TMC1: variants seen among roughly 807,000 people sequenced by gnomAD.
TMC1 encodes the protein transmembrane channel like 1, also known as transmembrane channel-like protein 1.
Under a neutral mutation model 105.8 loss-of-function variants are expected in TMC1, and 84 were observed. The observed-to-expected ratio is 0.79, with a 90% CI of 0.67 to 0.95. The LOEUF (loss-of-function observed/expected upper bound fraction) is 0.95, where lower values mean the gene tolerates loss of function less well. Ranked by LOEUF, TMC1 falls within the 40% of genes least tolerant of loss-of-function variation. The probability of loss-of-function intolerance (pLI) is 0.00; values close to 1 mark genes in which losing one functional copy is unlikely to be tolerated. For missense variants in TMC1, 817 were observed against 914.1 expected, an observed-to-expected ratio of 0.89 and a Z score of 1.37; for synonymous variants, 315 against 311.5, an observed-to-expected ratio of 1.01 and a Z score of -0.12.
chr9:72,565,154 T>A lies in TMC1; in HGVS notation c.-427-12748T>A, dbSNP rs557278627. On this transcript the variant is annotated intron_variant, in intron 1 of 23. Coordinates refer to ENST00000297784, the MANE Select transcript of TMC1 (RefSeq NM_138691.3). The stretch of plus-strand genomic sequence containing the variant: ...TTAACCAGAGACCTTTGCATAATAT[T>A]GTACTGTTACTAAACACTTTCTATT... 6.1e-4 allele frequency among the ~76,000 whole-genome samples: 93 copies of A among 152,354 alleles called. 1 individual carries two copies. Among genetic ancestry groups the A allele is most frequent in the South Asian group, 1.4e-3 (7 of 4,830 alleles).
intron 2 of TMC1, among the ~76,000 whole-genome samples, chr9:72,611,224 G>A (rs1481156046): frequency 6.6e-6 from 1 of 152,160 alleles, no homozygotes; most frequent in Admixed American, 6.5e-5. Context: ...GTTCTTTGGA[G>A]AAATTTCTTT....
At chr9:72,745,189 G>A (rs1827469015) in intron 10 of TMC1, among the ~76,000 whole-genome samples, 2 of 152,098 alleles carry the variant, frequency 1.3e-5, no homozygotes, top group African/African-American at 4.8e-5. Flanking sequence ...TGAGTCAGAT[G>A]CTCTACAAAC....
chr9:72,536,622 G>A (rs756896964), intron 1 of TMC1, among the ~76,000 whole-genome samples: 2 of 152,154 alleles, frequency 1.3e-5, no homozygotes, highest in Non-Finnish European at 2.9e-5. Flanking sequence ...GTGAGCCACC[G>A]CGCCTGGCCA....
At chr9:72,618,475 CACAG>C (rs1227688904) in intron 3 of TMC1, among the ~76,000 whole-genome samples, 2 of 152,048 alleles carry the variant, frequency 1.3e-5, no homozygotes, top group African/African-American at 4.8e-5. Flanking sequence ...AGCATAACCA[CACAG>C]ACAGAAATTA....
intron 2 of TMC1, among the ~76,000 whole-genome samples, chr9:72,599,115 C>T (rs1438050308): frequency 1.3e-5 from 2 of 152,158 alleles, no homozygotes; most frequent in African/African-American, 2.4e-5. Flanking sequence ...ACTGCAACCT[C>T]CGCCTCCTGG....
In TMC1 at chr9:72,648,653, C is replaced by A; in HGVS notation, c.5C>A (p.Ser2Ter). M[S>*]PKKVQIKVEE... is the part of the protein sequence containing the mutation. ...TTCTGACAGGACACCCCCAGGATGT[C>A]ACCCAAAAAAGGTATTTACAAAATC... The change falls in exon 5 of 24, where the codon TCA becomes TAA. Residue 2 changes from serine to a stop codon, truncating the protein, a stop_gained. Transcript: ENST00000297784. LOFTEE classifies it high-confidence loss of function. 1.2e-6 allele frequency: 2 copies of A among 1,613,134 alleles called. No homozygotes were observed. The highest frequency in any genetic ancestry group is 1.7e-6 in the Non-Finnish European group (2 of 1,179,232).
chr9:72,715,574 GTT>G (rs1588046574), intron 8 of TMC1, among the ~76,000 whole-genome samples: 1 of 151,900 alleles, frequency 6.6e-6, no homozygotes, highest in East Asian at 1.9e-4. Flanking sequence ...ACTCGTGTAT[GTT>G]TCATGAAGTT....
chr9:72,538,394 CTTGTATTGTATTGTA>C lies in TMC1; in HGVS notation c.-428+16518_-428+16532del, dbSNP rs71357577. ...AATAAATATATTTTGGGATAAAATA[CTTGTATTGTATTGTA>C]TTGTATTGTATTGTATTGTATTGTA... On this transcript the variant is annotated intron_variant, in intron 1 of 23. Coordinates refer to ENST00000297784, the MANE Select transcript of TMC1 (RefSeq NM_138691.3). Among the ~76,000 whole-genome samples the C allele has an allele frequency of 1.6e-3, 229 of 143,872 alleles. 1 individual carries two copies. The highest frequency in any genetic ancestry group is 0.012 in the South Asian group (55 of 4,402). The allele number at this position is 143,872 out of a possible 152,430, so 94.4% of individuals were successfully genotyped here. A position where few individuals can be genotyped will look rare whatever the true frequency, so the allele number is the denominator to read the frequency against.
At chr9:72,575,264 T>G (rs1258266838) in intron 1 of TMC1, among the ~76,000 whole-genome samples, 1 of 152,128 alleles carries the variant, frequency 6.6e-6, no homozygotes, top group African/African-American at 2.4e-5. Context: ...CACTGCAACC[T>G]CTGCCTCCCG....
chr9:72,650,509 T>C (rs72733005), intron 5 of TMC1, among the ~76,000 whole-genome samples: 15,463 of 152,048 alleles, frequency 0.1, 966 homozygotes, highest in African/African-American at 0.16. Context: ...TTTTTAACTT[T>C]TATTTTAGGC....
At chr9:72,709,803 G>A (rs966544922) in intron 8 of TMC1, among the ~76,000 whole-genome samples, 1 of 151,744 alleles carries the variant, frequency 6.6e-6, no homozygotes, top group Non-Finnish European at 1.5e-5. Flanking sequence ...TTATCTTTTC[G>A]AAGAACCAGC....
intron 15 of TMC1, among the ~76,000 whole-genome samples, chr9:72,789,871 T>C (rs1828236960): frequency 6.6e-6 from 1 of 152,228 alleles, no homozygotes; most frequent in African/African-American, 2.4e-5. Flanking sequence ...GAAGCCTAAC[T>C]GCAGCATCTC....
Position 72,538,471 on chromosome 9 carries a change from C to G in TMC1, c.-428+16558C>G, listed in dbSNP as rs779240970. 7.1e-5 allele frequency among the ~76,000 whole-genome samples: 10 copies of G among 141,016 alleles called. No homozygotes were observed. In the East Asian group the frequency reaches 1.2e-3, roughly 17 times the overall value. 92.5% of individuals were successfully genotyped at this position (141,016 alleles called of 152,430 possible). A position where few individuals can be genotyped will look rare whatever the true frequency, so the allele number is the denominator to read the frequency against. On this transcript the variant is annotated intron_variant, in intron 1 of 23. Transcript: ENST00000297784. ...CGTATTTTTGAGACAGAGCCTTGCTCTGTCATCCAGGCTGGAGTGCAGTGG... is the reference window on the plus strand; with the variant it reads ...CGTATTTTTGAGACAGAGCCTTGCTGTGTCATCCAGGCTGGAGTGCAGTGG...
rs142329201 is a variant in TMC1, at chr9:72,607,386, G to T, written c.-305-8982G>T. ...TGTAATCCCAGCACTTTGGGAGGCCGAGGTGGGAGGATCACAAGGTCAGAA... is the reference window on the plus strand; with the variant it reads ...TGTAATCCCAGCACTTTGGGAGGCCTAGGTGGGAGGATCACAAGGTCAGAA... On this transcript the variant is annotated intron_variant, in intron 2 of 23. Coordinates refer to ENST00000297784, the MANE Select transcript of TMC1 (RefSeq NM_138691.3). Among the ~76,000 whole-genome samples the T allele has an allele frequency of 6.0e-3, 911 of 152,218 alleles. 4 individuals carry two copies. The highest frequency in any genetic ancestry group is 0.01 in the Non-Finnish European group (691 of 68,006).
At chr9:72,663,748 T>A (rs1421033305) in intron 5 of TMC1, among the ~76,000 whole-genome samples, 1 of 152,164 alleles carries the variant, frequency 6.6e-6, no homozygotes, top group Non-Finnish European at 1.5e-5. Flanking sequence ...TAGCTTACTA[T>A]AAGTTTTTTA....
At chr9:72,830,797 C>T (rs546186672) in intron 23 of TMC1, 115 bp downstream of exon 23, 297 of 872,956 alleles carry the variant, frequency 3.4e-4, no homozygotes, top group African/African-American at 1.3e-3. Context: ...TTGCTGTGAG[C>T]GAGTCATTCC....
chr9:72,729,478 T>C (rs1827171908), intron 8 of TMC1, among the ~76,000 whole-genome samples: 1 of 152,128 alleles, frequency 6.6e-6, no homozygotes, highest in African/African-American at 2.4e-5. Flanking sequence ...AGTATGGACA[T>C]GAAAAGTAGT....
intron 13 of TMC1, among the ~76,000 whole-genome samples, chr9:72,775,145 A>G (rs1827986955): frequency 6.6e-6 from 1 of 152,180 alleles, no homozygotes; most frequent in Admixed American, 6.5e-5. Context: ...TTTAGAACTG[A>G]AAGTCTTGCA....
chr9:72,563,437 A>G (rs1824092649), intron 1 of TMC1, among the ~76,000 whole-genome samples: 1 of 152,224 alleles, frequency 6.6e-6, no homozygotes, highest in African/African-American at 2.4e-5. Context: ...AGACAATGAA[A>G]GCCAGAATGA....
Sources: allele counts gnomAD v4.1 joint callset (sites outside exome capture counted in the v4.1 genomes callset), GRCh38; gene constraint gnomAD v4.1.1; transcripts MANE v1.5; gene names NCBI Gene and HGNC (gene_info 2026-07-23, HGNC 2026-07-21).